DST: variants seen among roughly 807,000 people sequenced by gnomAD.
DST encodes the protein bullous pemphigoid antigen.
DST carries 253 observed loss-of-function variants against 875.2 expected under a neutral mutation model. That is an observed-to-expected ratio of 0.29 (90% CI 0.26 to 0.32). The LOEUF is 0.32. Among genes scored for constraint, DST ranks in the 10% least tolerant of loss-of-function variants. The pLI, the probability that DST is intolerant of heterozygous loss-of-function variation, is 1.00. For missense variants in DST, 8,287 were observed against 9,111.6 expected (o/e 0.91, Z 3.68); for synonymous variants, 3,124 against 3,197.1 (o/e 0.98, Z 0.77).
intron 61 of DST, among the ~76,000 whole-genome samples, chr6:56,537,952 T>C (rs2097044473): frequency 1.3e-5 from 2 of 152,290 alleles, no homozygotes; most frequent in East Asian, 1.9e-4. Context: ...TTCAACCCCT[T>C]AACAGATAAT....
At chr6:56,922,162 T>A (rs1212128752) in intron 2 of DST, among the ~76,000 whole-genome samples, 6 of 152,176 alleles carry the variant, frequency 3.9e-5, no homozygotes, top group African/African-American at 7.2e-5. Flanking sequence ...ACTGCTTATG[T>A]TAAAAAGGGC....
chr6:56,538,581 T>C (rs565301047), intron 61 of DST, among the ~76,000 whole-genome samples: 1 of 152,314 alleles, frequency 6.6e-6, no homozygotes, highest in African/African-American at 2.4e-5. Context: ...CTCCAGACTC[T>C]GGTCTAAGGC....
In DST at chr6:56,520,822, T is replaced by C. The variant is rs187336642; in HGVS notation, c.18130-3202A>G. 1.8e-3 allele frequency among the ~76,000 whole-genome samples: 270 copies of C among 152,230 alleles called. 3 individuals are homozygous for C. The highest frequency in any genetic ancestry group is 1.7e-3 in the Non-Finnish European group (117 of 67,978). The stretch of plus-strand genomic sequence containing the variant: ...TTTGTGTTTTCTCTCTTCGATATAA[T>C]ACTGCCCAATTGCCCTTCAGGTAGA... On this transcript the variant is annotated intron_variant, in intron 69 of 103. Coordinates refer to ENST00000680361, the MANE Select transcript of DST (RefSeq NM_001374736.1).
intron 49 of DST, among the ~76,000 whole-genome samples, chr6:56,582,593 T>C (rs1302773678): frequency 6.6e-6 from 1 of 150,914 alleles, no homozygotes; most frequent in African/African-American, 2.5e-5. Flanking sequence ...GTCTCAAGTA[T>C]TTCTTTTCTT....
chr6:56,699,607 T>G, intron 9 of DST, 46 bp downstream of exon 9: 2 of 944,780 alleles, frequency 2.1e-6, no homozygotes, highest in Non-Finnish European at 3.2e-6. Flanking sequence ...AGGAACCACC[T>G]GAAAACTAGC....
rs572634843 is a variant in DST, at chr6:56,578,805, A to G, written c.13027+9T>C. 5.0e-6 allele frequency: 8 copies of G among 1,611,688 alleles called. No individual in the cohort carries two copies. In the South Asian group the frequency reaches 5.5e-5, roughly 11 times the overall value. On this transcript the variant is annotated intron_variant, in intron 50 of 103. Coordinates refer to ENST00000680361, the MANE Select transcript of DST (RefSeq NM_001374736.1). ...TGTGAGACAGGAAGCAAGGACATGA[A>G]TATCTTACCAAGTGTTTTCTGGATA... is the stretch of plus-strand genomic sequence containing the variant.
intron 4 of DST, among the ~76,000 whole-genome samples, chr6:56,838,706 T>A (rs574900939): frequency 6.6e-6 from 1 of 152,352 alleles, no homozygotes; most frequent in South Asian, 2.1e-4. Flanking sequence ...TAACAATACC[T>A]AATAATTTCC....
chr6:56,482,960 C>T (rs2095446475), intron 88 of DST, 83 bp from the exon 89 acceptor site: 10 of 1,033,882 alleles, frequency 9.7e-6, no homozygotes, highest in Non-Finnish European at 1.3e-6. Flanking sequence ...TATATGTGCA[C>T]ATAACATCAT....
chr6:56,598,499 C>T lies in DST; in HGVS notation c.11905G>A (p.Ala3969Thr). Residue 3969 changes from alanine to threonine, a missense_variant, in exon 46 of 104, where the codon GCA becomes ACA. Around this residue, in one of 10 missense-constraint regions of DST, gnomAD observed 1,513 missense variants for 1,677.8 expected, o/e 0.90. Transcript: ENST00000680361. The part of the protein sequence containing the change: ...KKELDKVVTT[A>T]IKEETEKVAA... The stretch of plus-strand genomic sequence containing the variant: ...ACCTTTTCAGTTTCTTCCTTGATTG[C>T]TGTTGTCACAACTTTATCCAGCTCC... 6.3e-7 allele frequency: 1 copy of T among 1,574,860 alleles called. No individual in the cohort carries two copies. The highest frequency in any genetic ancestry group is 8.6e-7 in the Non-Finnish European group (1 of 1,160,164).
intron 13 of DST, among the ~76,000 whole-genome samples, chr6:56,646,763 A>C (rs2152790308): frequency 6.6e-6 from 1 of 152,332 alleles, no homozygotes; most frequent in East Asian, 1.9e-4. Flanking sequence ...CGTGTAATTA[A>C]GTTACTATCT....
intron 3 of DST, among the ~76,000 whole-genome samples, chr6:56,870,544 C>G (rs1001417507): frequency 2.0e-5 from 3 of 151,924 alleles, no homozygotes; most frequent in South Asian, 4.2e-4. Context: ...GGGCAGATCA[C>G]CTGAGGTCAG....
chr6:56,914,713 A>G (rs1800118376), intron 2 of DST, among the ~76,000 whole-genome samples: 1 of 152,182 alleles, frequency 6.6e-6, no homozygotes, highest in Non-Finnish European at 1.5e-5. Context: ...TAACTTACGA[A>G]CCATATTTAA....
At chr6:56,868,332 T>G (rs1364914748) in intron 3 of DST, among the ~76,000 whole-genome samples, 1 of 152,210 alleles carries the variant, frequency 6.6e-6, no homozygotes, top group Non-Finnish European at 1.5e-5. Flanking sequence ...CAACTCAGGC[T>G]GGATGACTTT....
intron 3 of DST, among the ~76,000 whole-genome samples, chr6:56,884,224 G>T (rs918081779): frequency 1.3e-5 from 2 of 151,764 alleles, no homozygotes; most frequent in Admixed American, 6.6e-5. Context: ...TGTTACATTT[G>T]GTTGGTAGGT....
chr6:56,517,636 A>G lies in DST; in HGVS notation c.18130-16T>C. ...CTTGGTCAAACTAAACAAAAGATAA[A>G]TAATTAGGTCAGCACGTTCCCGTTC... On this transcript the variant is annotated splice_polypyrimidine_tract_variant and intron_variant, in intron 69 of 103. Transcript: ENST00000680361. 1.2e-6 allele frequency: 2 copies of G among 1,609,788 alleles called. No individual in the cohort carries two copies. Among genetic ancestry groups the G allele is most frequent in the Non-Finnish European group, 1.7e-6 (2 of 1,178,056 alleles).
intron 5 of DST, among the ~76,000 whole-genome samples, chr6:56,725,836 C>T (rs2099453552): frequency 1.3e-5 from 2 of 152,126 alleles, no homozygotes; most frequent in Admixed American, 6.5e-5. Flanking sequence ...ATGTTAAGAA[C>T]TCTATACATA....
chr6:56,493,829 C>T (rs1488595654), intron 83 of DST, among the ~76,000 whole-genome samples, 181 bp downstream of exon 83: 2 of 152,040 alleles, frequency 1.3e-5, no homozygotes, highest in Non-Finnish European at 2.9e-5. Context: ...TAAATATGTT[C>T]TCATGTTAAA....
At chr6:56,779,077 T>C (rs2099686172) in intron 4 of DST, among the ~76,000 whole-genome samples, 1 of 152,148 alleles carries the variant, frequency 6.6e-6, no homozygotes, top group Non-Finnish European at 1.5e-5. Context: ...ATCACCATTC[T>C]AACTGGTGTG....
intron 5 of DST, among the ~76,000 whole-genome samples, chr6:56,734,240 T>C (rs540827035): frequency 1.3e-5 from 2 of 152,352 alleles, no homozygotes; most frequent in Non-Finnish European, 2.9e-5. Flanking sequence ...AGGGATATTA[T>C]CAGAATTTGA....
Sources: gnomAD v4.1 joint callset for allele counts (sites outside exome capture counted in the v4.1 genomes callset) on GRCh38, gnomAD v4.1.1 for gene constraint, gnomAD v4.1.1 regional missense constraint, MANE v1.5 for transcripts, NCBI Gene and HGNC (gene_info 2026-07-23, HGNC 2026-07-21) for gene names.